UPF3A: variants seen among roughly 807,000 people sequenced by gnomAD.
UPF3A encodes UPF3A regulator of nonsense mediated mRNA decay, also known as regulator of nonsense transcripts 3A.
Under a neutral mutation model 53.5 loss-of-function variants are expected in UPF3A, and 42 were observed. The observed-to-expected ratio is 0.78, with a 90% CI of 0.61 to 1.01. UPF3A has a LOEUF of 1.01. UPF3A is among the 50% of genes least tolerant of loss of function. UPF3A has a pLI of 0.00. For missense variants in UPF3A, 575 were observed against 598.0 expected, an observed-to-expected ratio of 0.96 and a Z score of 0.40; for synonymous variants, 237 against 225.3, an observed-to-expected ratio of 1.05 and a Z score of -0.47.
At position 114,286,294 on chromosome 13, in the gene UPF3A, G is replaced by T; in HGVS notation, c.422-8G>T. The T allele has an allele frequency of 1.2e-6, 2 of 1,611,552 alleles. No homozygotes were observed. The highest frequency in any genetic ancestry group is 1.7e-6 in the Non-Finnish European group (2 of 1,179,582). The stretch of plus-strand genomic sequence containing the variant: ...GAATGGCTTCTGGAACATGTTTCCT[G>T]TTAAAAGGCCTAGAATATCCTGCAG... On this transcript the variant is annotated splice_polypyrimidine_tract_variant and splice_region_variant and intron_variant, in intron 3 of 9. Coordinates refer to ENST00000375299, the MANE Select transcript of UPF3A (RefSeq NM_023011.4).
At chr13:114,304,671 C>G in intron 9 of UPF3A, 118 bp from the exon 10 acceptor site, 34 of 1,396,370 alleles carry the variant, frequency 2.4e-5, no homozygotes, top group Non-Finnish European at 3.1e-5. Flanking sequence ...TGATTTTTAG[C>G]TGCCTAGTTG....
At chr13:114,299,900 A>G (rs1337612750) in intron 8 of UPF3A, among the ~76,000 whole-genome samples, 3 of 152,266 alleles carry the variant, frequency 2.0e-5, no homozygotes, top group African/African-American at 7.2e-5. Flanking sequence ...TCCCAGAGCC[A>G]TAGTCGTAGG....
At position 114,301,786 on chromosome 13, in the gene UPF3A, G is replaced by T; in HGVS notation, c.1063G>T (p.Glu355Ter). Residue 355 changes from glutamate (E) to a stop codon, truncating the protein, a stop_gained, in exon 9 of 10, where the codon GAA becomes TAA. Transcript: ENST00000375299. LOFTEE classifies it high-confidence loss of function. ...HRDVERSQEQ[E>*]SEAQRYHVDD... ...GGATGTGGAGAGATCTCAAGAACAAGAATCTGAAGCACAAAGATACCATGT... is the reference window on the plus strand; with the variant it reads ...GGATGTGGAGAGATCTCAAGAACAATAATCTGAAGCACAAAGATACCATGT... The T allele has an allele frequency of 6.2e-7, 1 of 1,613,974 alleles. No homozygotes were observed. Among genetic ancestry groups the T allele is most frequent in the Non-Finnish European group, 8.5e-7 (1 of 1,179,890 alleles).
Position 114,281,705 on chromosome 13 carries a change from G to A in UPF3A, c.66G>A (p.Gly22=). The A allele has an allele frequency of 1.9e-6, 3 of 1,548,336 alleles. No homozygotes were observed. Among genetic ancestry groups the A allele is most frequent in the African/African-American group, 1.4e-5 (1 of 72,638 alleles). ...RAAVAARGPS[G]REKLSALEVQ... is the part of the protein sequence containing the mutation. Reference sequence around the variant, plus strand: ...CCGTTGCCGCGCGGGGCCCGAGCGGGAGGGAGAAGCTGTCGGCCCTAGAAG... The same window carrying A: ...CCGTTGCCGCGCGGGGCCCGAGCGGAAGGGAGAAGCTGTCGGCCCTAGAAG... The change falls in exon 1 of 10, where the codon GGG becomes GGA. Residue 22 remains glycine, a synonymous_variant. Transcript: ENST00000375299.
chr13:114,295,521 G>C (rs990137660), intron 7 of UPF3A, among the ~76,000 whole-genome samples: 3 of 152,184 alleles, frequency 2.0e-5, no homozygotes, highest in Non-Finnish European at 4.4e-5. Flanking sequence ...AGATGTGCCC[G>C]TGGCTCCTTC....
At chr13:114,285,698 A>C (rs1007985084) in intron 3 of UPF3A, 6 of 152,336 alleles carry the variant, frequency 3.9e-5, no homozygotes, top group Non-Finnish European at 7.3e-5. Flanking sequence ...AATGACTTCC[A>C]TTCTCTACTT....
rs41291207 is a variant in UPF3A, at chr13:114,286,609, C to G, written c.611C>G (p.Ala204Gly). The G allele has an allele frequency of 6.2e-7, 1 of 1,613,194 alleles. No individual in the cohort carries two copies. The highest frequency in any genetic ancestry group is 8.5e-7 in the Non-Finnish European group (1 of 1,179,602). Residue 204 changes from alanine (A) to glycine (G), a missense_variant, in exon 5 of 10, where the codon GCG (alanine) becomes GGG (glycine). Physicochemically the swap from Ala to Gly is moderately conservative, Grantham distance 60. Transcript: ENST00000375299. The stretch of plus-strand genomic sequence containing the variant: ...GAGACTCTGCTGGGGGAGATGGAGG[C>G]GAAGACAAGAGAGCTCATTGGTCTG... ...NPETLLGEMEAKTRELIARRT... is the reference protein window; with the variant it reads ...NPETLLGEMEGKTRELIARRT...
chr13:114,286,683 G>C, intron 5 of UPF3A, 54 bp downstream of exon 5: 1 of 1,420,252 alleles, frequency 7.0e-7, no homozygotes. Context: ...ACTCGTAGAG[G>C]ATATACGTTT....
At chr13:114,290,472 C>T (rs1042752248) in intron 5 of UPF3A, among the ~76,000 whole-genome samples, 1 of 152,186 alleles carries the variant, frequency 6.6e-6, no homozygotes, top group African/African-American at 2.4e-5. Context: ...ACAGAGTAGA[C>T]CCCGTCTTCC....
intron 5 of UPF3A, among the ~76,000 whole-genome samples, chr13:114,289,702 C>T (rs1480902339): frequency 6.6e-6 from 1 of 152,046 alleles, no homozygotes; most frequent in Non-Finnish European, 1.5e-5. Flanking sequence ...GTGCATCGGC[C>T]TTTAGCATCG....
chr13:114,301,254 G>T (rs1404365633), intron 8 of UPF3A, among the ~76,000 whole-genome samples: 1 of 152,108 alleles, frequency 6.6e-6, no homozygotes, highest in East Asian at 1.9e-4. Context: ...AAGGTCAGGA[G>T]ATCGAGACCA....
Position 114,282,397 on chromosome 13 carries a change from TGCCC to T in UPF3A, c.314+276_314+279del, listed in dbSNP as rs1341193182. The stretch of plus-strand genomic sequence containing the variant: ...CGGGTGCCTTTGAAAGGACCAGCGT[TGCCC>T]GCCCGGCGCCTCCCGGGCTTCCCTG... On this transcript the variant is annotated intron_variant, in intron 2 of 9. Coordinates refer to ENST00000375299, the MANE Select transcript of UPF3A (RefSeq NM_023011.4). The T allele has an allele frequency of 2.8e-5, 34 of 1,201,260 alleles. No individual in the cohort carries two copies. In the Admixed American group the frequency reaches 3.1e-4, roughly 11 times the overall value. The allele number at this position is 1,201,260 out of a possible 1,614,324, so 74.4% of individuals were successfully genotyped here. A position where few individuals can be genotyped will look rare whatever the true frequency, so the allele number is the denominator to read the frequency against.
intron 7 of UPF3A, among the ~76,000 whole-genome samples, chr13:114,294,283 G>A (rs1294320795): frequency 6.7e-6 from 1 of 150,356 alleles, no homozygotes; most frequent in Non-Finnish European, 1.5e-5. Flanking sequence ...TGGGGGGGGG[G>A]TTTGAGACAG....
chr13:114,286,372 A>G lies in UPF3A; in HGVS notation c.492A>G (p.Lys164=). The change falls in exon 4 of 10, where the codon AAA becomes AAG. Residue 164 remains lysine, a synonymous_variant. Transcript: ENST00000375299. ...QKIAKKKLRK[K]DAKTGSIEDD... is the part of the protein sequence containing the mutation. ...TAGCCAAAAAGAAGCTGAGAAAAAA[A>G]GATGCCAAGACTGGAAGCATCGAAG... The G allele has an allele frequency of 6.2e-7, 1 of 1,614,242 alleles. No homozygotes were observed. The highest frequency in any genetic ancestry group is 8.5e-7 in the Non-Finnish European group (1 of 1,180,040).
intron 1 of UPF3A, 51 bp from the exon 2 acceptor site, chr13:114,281,970 G>C (rs748228888): frequency 6.6e-7 from 1 of 1,509,814 alleles, no homozygotes; most frequent in Admixed American, 2.0e-5. Context: ...TGCCTTTTGA[G>C]CTCCTTGTCC....
At chr13:114,282,430 G>T in intron 2 of UPF3A, 1 of 985,206 alleles carries the variant, frequency 1.0e-6, no homozygotes, top group African/African-American at 1.7e-5. Context: ...TTCCCTGCTC[G>T]TCCGCGGACG....
chr13:114,293,196 C>T (rs1387489036), intron 7 of UPF3A, among the ~76,000 whole-genome samples: 1 of 151,324 alleles, frequency 6.6e-6, no homozygotes, highest in Non-Finnish European at 1.5e-5. Flanking sequence ...CCAGCTTGGC[C>T]AATATGGGGA....
chr13:114,292,733 G>T (rs540429323), intron 7 of UPF3A, among the ~76,000 whole-genome samples: 1 of 152,226 alleles, frequency 6.6e-6, no homozygotes, highest in East Asian at 1.9e-4. Context: ...TTGTTGCCCA[G>T]GTAATCAGCA....
Position 114,291,707 on chromosome 13 carries a change from AAAG to A in UPF3A, c.772_774del (p.Arg258del), listed in dbSNP as rs549638820. 9.7e-4 allele frequency: 1,548 copies of A among 1,603,554 alleles called. 5 individuals are homozygous for A. Among genetic ancestry groups the A allele is most frequent in the African/African-American group, 7.0e-3 (525 of 74,526 alleles). ...AAGAAACGTTTGCGGGAAGAGGAAA[AAAG>A]AAGAAGAAGAGAAGAAGAAAGATGC... On this transcript the variant is annotated inframe_deletion, in exon 7 of 10. Transcript: ENST00000375299.
Sources: allele counts gnomAD v4.1 joint callset (sites outside exome capture counted in the v4.1 genomes callset), GRCh38; gene constraint gnomAD v4.1.1; transcripts MANE v1.5; gene names NCBI Gene and HGNC (gene_info 2026-07-23, HGNC 2026-07-21).